AP4B1: variants seen among roughly 807,000 people sequenced by gnomAD.
The protein encoded by AP4B1 is adaptor related protein complex 4 subunit beta 1, also known as AP-4 complex subunit beta-1.
Under a neutral mutation model 76.5 loss-of-function variants are expected in AP4B1, and 49 were observed. That is an observed-to-expected ratio of 0.64 (90% CI 0.51 to 0.81). The LOEUF (loss-of-function observed/expected upper bound fraction) is 0.81. Among genes scored for constraint, AP4B1 ranks in the 40% least tolerant of loss-of-function variants. The probability of loss-of-function intolerance (pLI) is 0.00; values close to 1 mark genes in which losing one functional copy is unlikely to be tolerated. For missense variants in AP4B1, 911 were observed against 904.9 expected (o/e 1.01, Z -0.09); for synonymous variants, 330 against 333.3 (o/e 0.99, Z 0.11).
chr1:113,901,220 G>GC lies in AP4B1; in HGVS notation c.617+15dup, dbSNP rs777418307. The GC allele has an allele frequency of 8.7e-6, 14 of 1,613,972 alleles. No homozygotes were observed. Among genetic ancestry groups the GC allele is most frequent in the Non-Finnish European group, 1.2e-5 (14 of 1,179,908 alleles). On this transcript the variant is annotated intron_variant, in intron 4 of 9. Coordinates refer to ENST00000369569, the MANE Select transcript of AP4B1 (RefSeq NM_001253852.3). ...TAGCAGATCTCATAATAAAAAGAGT[G>GC]CTGAGGCATCCAAACCGATTTAAGA...
In AP4B1 at chr1:113,900,393, T is replaced by C. The variant is rs757146962; in HGVS notation, c.625A>G (p.Lys209Glu). ...TCAGCCTGGCCCCATTGGTCCAGTT[T>C]TGACATTCTATCCAAAAAACAAAAC... is the stretch of plus-strand genomic sequence containing the variant. Reference protein sequence around the residue: ...IAHHLLNRMSKLDQWGQAEVL... With the variant: ...IAHHLLNRMSELDQWGQAEVL... The change falls in exon 5 of 10, where the codon AAA (lysine) becomes GAA (glutamate). Residue 209 changes from lysine (K) to glutamate (E), a missense_variant. By Grantham distance (56) the Lys-to-Glu change is moderately conservative (BLOSUM62 1). Transcript: ENST00000369569. 3 of 1,613,650 alleles carry C rather than the reference T, an allele frequency of 1.9e-6. No homozygotes were observed. Among genetic ancestry groups the C allele is most frequent in the Middle Eastern group, 1.7e-4 (1 of 6,060 alleles).
intron 1 of AP4B1, 123 bp from the exon 2 acceptor site, chr1:113,902,985 A>AAT: frequency 1.2e-6 from 1 of 821,368 alleles, no homozygotes; most frequent in Non-Finnish European, 2.0e-6. Context: ...GGTAGCAGCC[A>AAT]GGATTACCTT....
chr1:113,898,679 T>C, intron 6 of AP4B1, 39 bp downstream of exon 6: 1 of 1,526,314 alleles, frequency 6.6e-7, no homozygotes, highest in Non-Finnish European at 9.0e-7. Context: ...GCCAGGCACC[T>C]GACAAAAAAA....
In AP4B1 at chr1:113,900,179, G is replaced by C. The variant is rs1668053966; in HGVS notation, c.839C>G (p.Pro280Arg). The change falls in exon 5 of 10, where the codon CCT (proline) becomes CGT (arginine). Residue 280 changes from proline (P) to arginine (R), a missense_variant. Physicochemically the swap from Pro to Arg is moderately radical, Grantham distance 103. Transcript: ENST00000369569. ...CTCTGAAGAACAGGCAGCTAGCAAA[G>C]GTCCCTTGACCCGCACAAGGACATC... ...QTDVLVRVKG[P>R]LLAACSSESR... 4 of 1,614,072 alleles carry C rather than the reference G, an allele frequency of 2.5e-6. No individual in the cohort carries two copies. Among genetic ancestry groups the C allele is most frequent in the South Asian group, 2.2e-5 (2 of 91,092 alleles).
intron 7 of AP4B1, 127 bp from the exon 8 acceptor site, chr1:113,896,592 T>C: frequency 1.2e-6 from 1 of 833,206 alleles, no homozygotes; most frequent in Admixed American, 2.0e-5. Context: ...TTAGTTTACT[T>C]CATTTAATTT....
Position 113,902,803 on chromosome 1 carries a change from G to A in AP4B1, c.173C>T (p.Ala58Val). The A allele has an allele frequency of 6.2e-7, 1 of 1,614,194 alleles. No homozygotes were observed. Among genetic ancestry groups the A allele is most frequent in the Non-Finnish European group, 8.5e-7 (1 of 1,180,034 alleles). ...CTTCTTCTGGACAATATCTACAGTGGCACTGGCCTTCACCATTTCCATAAA... is the reference window on the plus strand; with the variant it reads ...CTTCTTCTGGACAATATCTACAGTGACACTGGCCTTCACCATTTCCATAAA... ...GVFMEMVKAS[A>V]TVDIVQKKLV... The change falls in exon 2 of 10, where the codon GCC (alanine) becomes GTC (valine). Residue 58 changes from alanine (A) to valine (V), a missense_variant. Coordinates refer to ENST00000369569, the MANE Select transcript of AP4B1 (RefSeq NM_001253852.3).
chr1:113,895,693 T>C, intron 9 of AP4B1, 64 bp downstream of exon 9: 1 of 1,604,152 alleles, frequency 6.2e-7, no homozygotes, highest in African/African-American at 1.3e-5. Context: ...TACTCTACTT[T>C]CCACCAATCA....
intron 4 of AP4B1, chr1:113,900,833 C>A: frequency 7.2e-6 from 2 of 279,218 alleles, no homozygotes; most frequent in Non-Finnish European, 1.4e-5. Context: ...ACTGGCCGGG[C>A]GCAGTGGCTC....
rs889445380 is a variant in AP4B1 at position 113,894,451 on chromosome 1, CAAG to C, written c.*611_*613del. ...CTGAAAGATAGACGAGGTGTTAATT[CAAG>C]AAGATATGAGGGTGAGAAAATGTTC... On this transcript the variant is annotated 3_prime_UTR_variant, in exon 10 of 10. Transcript: ENST00000369569. Among the ~76,000 whole-genome samples the C allele has an allele frequency of 5.3e-5, 8 of 152,058 alleles. No homozygotes were observed. The highest frequency in any genetic ancestry group is 2.6e-4 in the Admixed American group (4 of 15,254).
intron 6 of AP4B1, 123 bp downstream of exon 6, chr1:113,898,595 T>A: frequency 1.2e-6 from 1 of 808,504 alleles, no homozygotes; most frequent in East Asian, 2.4e-5. Flanking sequence ...CAGCAACAGA[T>A]GATGATGCAA....
chr1:113,897,455 G>A, intron 7 of AP4B1: 1 of 291,788 alleles, frequency 3.4e-6, no homozygotes, highest in Non-Finnish European at 6.7e-6. Context: ...TGGGCGTGGT[G>A]GTGCACACCT....
intron 7 of AP4B1, chr1:113,897,403 C>A (rs1030221403): frequency 8.4e-5 from 22 of 263,438 alleles, no homozygotes; most frequent in Non-Finnish European, 1.6e-4. Flanking sequence ...CCAGCCTAGA[C>A]AACATAGCAA....
rs748361474 is a variant in AP4B1 at position 113,899,833 on chromosome 1, T to C, written c.1114+71A>G. 4.3e-6 allele frequency: 7 copies of C among 1,612,436 alleles called. No individual in the cohort carries two copies. The African/African-American group carries it at 9.3e-5, about 22-fold the overall frequency. On this transcript the variant is annotated intron_variant, in intron 5 of 9. Transcript: ENST00000369569. ...CAAGATTCATGCCCTTTGCTCTCTA[T>C]GGTTCCTCTAACCACAGTTTTCTTG...
chr1:113,899,760 T>A, intron 5 of AP4B1, 144 bp downstream of exon 5: 1 of 1,337,820 alleles, frequency 7.5e-7, no homozygotes, highest in Non-Finnish European at 1.0e-6. Context: ...CCCCCGTGTT[T>A]GTAGTCACTG....
At chr1:113,901,117 T>TA (rs1371489306) in intron 4 of AP4B1, 119 bp downstream of exon 4, 3 of 1,351,272 alleles carry the variant, frequency 2.2e-6, no homozygotes, top group African/African-American at 1.5e-5. Flanking sequence ...CAAATAATAA[T>TA]AATAATAATG....
chr1:113,904,755 C>G lies in AP4B1; in HGVS notation c.-38G>C. The stretch of plus-strand genomic sequence containing the variant: ...CACAGGGCAGCTCCCACAGCTCCCA[C>G]GGTAACTCGAGGGCTCCTTCTCGTC... On this transcript the variant is annotated 5_prime_UTR_variant, in exon 1 of 10. Coordinates refer to ENST00000369569, the MANE Select transcript of AP4B1 (RefSeq NM_001253852.3). 1 of 1,570,152 alleles carries G rather than the reference C, an allele frequency of 6.4e-7. No homozygotes were observed. The highest frequency in any genetic ancestry group is 1.1e-5 in the South Asian group (1 of 90,152).
In AP4B1 at chr1:113,900,408, AAAAAC is replaced by A. The variant is rs1474167150; in HGVS notation, c.618-13_618-9del. The A allele has an allele frequency of 1.2e-6, 2 of 1,613,616 alleles. No homozygotes were observed. Among genetic ancestry groups the A allele is most frequent in the South Asian group, 1.1e-5 (1 of 91,010 alleles). On this transcript the variant is annotated splice_polypyrimidine_tract_variant and intron_variant, in intron 4 of 9. Coordinates refer to ENST00000369569, the MANE Select transcript of AP4B1 (RefSeq NM_001253852.3). ...TGGTCCAGTTTTGACATTCTATCCAAAAAACAAAACAAAAGAGCTATTTTAGCAAC... is the reference window on the plus strand; with the variant it reads ...TGGTCCAGTTTTGACATTCTATCCAAAAAACAAAAGAGCTATTTTAGCAAC...
At position 113,900,204 on chromosome 1, in the gene AP4B1, C is replaced by T; in HGVS notation, c.814G>A (p.Asp272Asn). 1 of 1,613,592 alleles carries T rather than the reference C, an allele frequency of 6.2e-7. No homozygotes were observed. Among genetic ancestry groups the T allele is most frequent in the Non-Finnish European group, 8.5e-7 (1 of 1,179,584 alleles). Residue 272 changes from aspartate (D) to asparagine (N), a missense_variant, in exon 5 of 10, where the codon GAT becomes AAT. Coordinates refer to ENST00000369569, the MANE Select transcript of AP4B1 (RefSeq NM_001253852.3). ...LAKMFPHVQTDVLVRVKGPLL... is the reference protein window; with the variant it reads ...LAKMFPHVQTNVLVRVKGPLL... ...GGTCCCTTGACCCGCACAAGGACAT[C>T]AGTTTGTACGTGGGGAAACATTTTT...
rs777825865 is a variant in AP4B1 at position 113,901,385 on chromosome 1, T to G, written c.470-2A>C. ...ATAATTCATTTACCAGGGCACCATCTATAAAAAAGAACAAAGTTCTTAGAT... is the reference window on the plus strand; with the variant it reads ...ATAATTCATTTACCAGGGCACCATCGATAAAAAAGAACAAAGTTCTTAGAT... On this transcript the variant is annotated splice_acceptor_variant, in intron 3 of 9. Coordinates refer to ENST00000369569, the MANE Select transcript of AP4B1 (RefSeq NM_001253852.3). LOFTEE classifies it high-confidence loss of function. 1.7e-5 allele frequency: 28 copies of G among 1,613,738 alleles called. No individual in the cohort carries two copies. Among genetic ancestry groups the G allele is most frequent in the Non-Finnish European group, 2.2e-5 (26 of 1,179,778 alleles).
Sources: gnomAD v4.1 joint callset for allele counts (sites outside exome capture counted in the v4.1 genomes callset) on GRCh38, gnomAD v4.1.1 for gene constraint, MANE v1.5 for transcripts, NCBI Gene and HGNC (gene_info 2026-07-23, HGNC 2026-07-21) for gene names.